PSD3: variants seen among roughly 807,000 people sequenced by gnomAD.
PSD3 encodes the protein PH and SEC7 domain-containing protein 3.
A neutral mutation model predicts 105.5 loss-of-function variants in PSD3; 49 were observed. The ratio of observed to expected loss-of-function variants is 0.46; its 90% CI spans 0.37 to 0.59. The LOEUF (loss-of-function observed/expected upper bound fraction) is 0.59, where lower values mean the gene tolerates loss of function less well. Ranked by LOEUF, PSD3 falls within the 20% of genes least tolerant of loss-of-function variation. The pLI is 0.00. For synonymous variants in PSD3, 557 were observed against 457.8 expected, an observed-to-expected ratio of 1.22 and a Z score of -2.77; for missense variants, 1,561 against 1,263.8, an observed-to-expected ratio of 1.24 and a Z score of -3.57.
intron 8 of PSD3, among the ~76,000 whole-genome samples, chr8:18,778,910 T>C (rs912247270): frequency 2.0e-5 from 3 of 152,196 alleles, no homozygotes; most frequent in Admixed American, 6.5e-5. Flanking sequence ...TACTGGCCTA[T>C]AGTGTTTTCT....
chr8:18,983,809 G>A (rs1200688766), intron 1 of PSD3, among the ~76,000 whole-genome samples: 2 of 151,704 alleles, frequency 1.3e-5, no homozygotes, highest in African/African-American at 4.8e-5. Flanking sequence ...GACTAGCCAG[G>A]GCAACATAGC....
intron 1 of PSD3, among the ~76,000 whole-genome samples, chr8:18,981,720 G>A (rs151009682): frequency 2.0e-5 from 3 of 152,200 alleles, no homozygotes; most frequent in Non-Finnish European, 4.4e-5. Context: ...TATTAACTGT[G>A]GAAGAGCATT....
At chr8:19,082,562 G>GGGTCCCATTT (rs1235547837) in intron 1 of PSD3, among the ~76,000 whole-genome samples, 1 of 152,138 alleles carries the variant, frequency 6.6e-6, no homozygotes, top group Non-Finnish European at 1.5e-5. Context: ...GCAGATGTCG[G>GGGTCCCATTT]GGTCCCATTT....
chr8:18,595,032 T>A (rs1803985999), intron 12 of PSD3, among the ~76,000 whole-genome samples: 1 of 151,826 alleles, frequency 6.6e-6, no homozygotes, highest in South Asian at 2.1e-4. Flanking sequence ...TTAACTCTGG[T>A]ATAGAAATTT....
upstream of PSD3, among the ~76,000 whole-genome samples, chr8:19,017,851 T>C (rs1827226195): frequency 6.6e-6 from 1 of 152,226 alleles, no homozygotes; most frequent in Non-Finnish European, 1.5e-5. Context: ...CTGTTAGGAA[T>C]AACACTACTA....
rs1196806240 is a variant in PSD3 at position 18,655,025 on chromosome 8, T to G, written c.2216+617A>C. Among the ~76,000 whole-genome samples, 6 of 152,108 alleles carry G rather than the reference T, an allele frequency of 3.9e-5. No homozygotes were observed. The East Asian group carries it at 1.2e-3, about 29-fold the overall frequency. On this transcript the variant is annotated intron_variant, in intron 10 of 15. Coordinates refer to ENST00000327040, the MANE Select transcript of PSD3 (RefSeq NM_015310.4). ...GATTTTTCTTTTAGAATGTTACTTT[T>G]TAAAAGATAAATTTAAGGCCGGGCG...
intron 7 of PSD3, among the ~76,000 whole-genome samples, chr8:18,800,513 C>T (rs1273245598): frequency 6.6e-6 from 1 of 152,182 alleles, no homozygotes; most frequent in African/African-American, 2.4e-5. Context: ...ACTCCATCAT[C>T]TGTAAGTTTA....
intron 8 of PSD3, among the ~76,000 whole-genome samples, chr8:18,793,025 G>C (rs567744343): frequency 6.6e-6 from 1 of 152,150 alleles, no homozygotes; most frequent in Non-Finnish European, 1.5e-5. Flanking sequence ...ATGCTTTGTA[G>C]GGACATGGAT....
chr8:18,546,693 T>C (rs556164624), intron 15 of PSD3, among the ~76,000 whole-genome samples: 1 of 152,334 alleles, frequency 6.6e-6, no homozygotes, highest in South Asian at 2.1e-4. Context: ...TACATTATTA[T>C]TAAATACAAT....
intron 6 of PSD3, among the ~76,000 whole-genome samples, chr8:18,804,174 T>C (rs1442206971): frequency 6.6e-6 from 1 of 152,108 alleles, no homozygotes; most frequent in Admixed American, 6.6e-5. Context: ...AGGTTAAACG[T>C]CCCAAACCCA....
At chr8:18,959,543 C>A (rs575322619) in intron 1 of PSD3, among the ~76,000 whole-genome samples, 1 of 151,816 alleles carries the variant, frequency 6.6e-6, no homozygotes, top group Non-Finnish European at 1.5e-5. Context: ...CACTAAGCAA[C>A]GGTGCTCATC....
At chr8:18,559,244 A>C (rs1422966960) in intron 14 of PSD3, among the ~76,000 whole-genome samples, 2 of 152,186 alleles carry the variant, frequency 1.3e-5, no homozygotes, top group African/African-American at 4.8e-5. Flanking sequence ...GCAGGTCTGA[A>C]AGTTCTCTTT....
chr8:18,557,246 G>A (rs2130157303), intron 14 of PSD3, among the ~76,000 whole-genome samples: 1 of 152,250 alleles, frequency 6.6e-6, no homozygotes, highest in Non-Finnish European at 1.5e-5. Flanking sequence ...AGATAAATGG[G>A]TAAAGGCAAA....
chr8:18,971,061 G>C (rs914345324), intron 1 of PSD3, among the ~76,000 whole-genome samples: 1 of 151,636 alleles, frequency 6.6e-6, no homozygotes, highest in African/African-American at 2.4e-5. Context: ...TCCTTAATGA[G>C]ACCATGCAGA....
intron 11 of PSD3, among the ~76,000 whole-genome samples, chr8:18,627,557 TGAAG>T (rs1007394628): frequency 2.6e-4 from 40 of 152,054 alleles, no homozygotes; most frequent in African/African-American, 9.2e-4. Context: ...GGAAAGAGGC[TGAAG>T]AAGAACAAGA....
intron 4 of PSD3, among the ~76,000 whole-genome samples, chr8:18,835,134 A>G (rs1814000754): frequency 6.6e-6 from 1 of 152,234 alleles, no homozygotes. Context: ...AATCTGATAT[A>G]TATTGGACTA....
At chr8:18,982,196 G>A (rs1187273534) in intron 1 of PSD3, among the ~76,000 whole-genome samples, 2 of 152,200 alleles carry the variant, frequency 1.3e-5, no homozygotes, top group Non-Finnish European at 2.9e-5. Flanking sequence ...TTCATAAGAA[G>A]CTACTCCTCA....
chr8:18,915,009 C>A (rs1223463206), intron 2 of PSD3, among the ~76,000 whole-genome samples: 1 of 151,370 alleles, frequency 6.6e-6, no homozygotes, highest in South Asian at 2.1e-4. Flanking sequence ...AGACCTAAAC[C>A]AATGGAACAG....
chr8:18,745,042 C>T lies in PSD3; in HGVS notation c.2172+20407G>A, dbSNP rs74921435. ...AAGTGATGTTAAGTGATGTTATCTT[C>T]TCCTTTAGAGCATCAGAGGCTTCAT... On this transcript the variant is annotated intron_variant, in intron 9 of 15. Coordinates refer to ENST00000327040, the MANE Select transcript of PSD3 (RefSeq NM_015310.4). Among the ~76,000 whole-genome samples, 753 of 152,274 alleles carry T rather than the reference C, an allele frequency of 4.9e-3. 28 individuals are homozygous for T. Among genetic ancestry groups the T allele is most frequent in the Admixed American group, 0.034 (526 of 15,296 alleles).
Sources: allele counts gnomAD v4.1 joint callset (sites outside exome capture counted in the v4.1 genomes callset), GRCh38; gene constraint gnomAD v4.1.1; transcripts MANE v1.5; gene names NCBI Gene and HGNC (gene_info 2026-07-23, HGNC 2026-07-21).